TMEM178B: variants seen among roughly 807,000 people sequenced by gnomAD.
TMEM178B encodes the protein transmembrane protein 178B.
A neutral mutation model predicts 31.0 loss-of-function variants in TMEM178B; 5 were observed. The ratio of observed to expected loss-of-function variants is 0.16; its 90% CI spans 0.08 to 0.34. The LOEUF (loss-of-function observed/expected upper bound fraction) is 0.34, where lower values mean the gene tolerates loss of function less well. Ranked by LOEUF, TMEM178B falls within the 10% of genes least tolerant of loss-of-function variation. TMEM178B has a pLI of 1.00. For synonymous variants in TMEM178B, 164 were observed against 164.0 expected (o/e 1.00, Z 0.00); for missense variants, 275 against 400.3 (o/e 0.69, Z 2.67).
At chr7:141,436,647 C>T (rs909171042) in intron 2 of TMEM178B, among the ~76,000 whole-genome samples, 2 of 150,750 alleles carry the variant, frequency 1.3e-5, no homozygotes, top group African/African-American at 2.4e-5. Context: ...GGCTGGGGTG[C>T]GGTGGGCACG....
intron 1 of TMEM178B, among the ~76,000 whole-genome samples, chr7:141,119,738 C>A (rs1394780145): frequency 6.6e-6 from 1 of 152,064 alleles, no homozygotes; most frequent in Non-Finnish European, 1.5e-5. Flanking sequence ...GGGGTTATGT[C>A]GGTTGAGAGA....
intron 2 of TMEM178B, among the ~76,000 whole-genome samples, chr7:141,400,214 A>AT (rs1800734903): frequency 2.6e-5 from 4 of 152,244 alleles, no homozygotes; most frequent in African/African-American, 4.8e-5. Context: ...CTCTGCTCAT[A>AT]TTTTTTATCT....
At chr7:141,199,633 C>T (rs1383682164) in intron 1 of TMEM178B, among the ~76,000 whole-genome samples, 1 of 152,154 alleles carries the variant, frequency 6.6e-6, no homozygotes. Flanking sequence ...ATCACTTAGG[C>T]TGGAGTGCCA....
chr7:141,480,930 C>A (rs1403348616), downstream of TMEM178B, among the ~76,000 whole-genome samples: 1 of 152,200 alleles, frequency 6.6e-6, no homozygotes, highest in Admixed American at 6.5e-5. Flanking sequence ...TCTCAGCCAG[C>A]ATTTACAGTG....
intron 1 of TMEM178B, among the ~76,000 whole-genome samples, chr7:141,206,632 C>T (rs933298510): frequency 5.3e-5 from 8 of 152,170 alleles, no homozygotes; most frequent in Non-Finnish European, 1.2e-4. Flanking sequence ...CCGCCCTTGC[C>T]AGGTCCTGGT....
intron 1 of TMEM178B, among the ~76,000 whole-genome samples, chr7:141,081,097 C>T (rs1157434166): frequency 6.6e-6 from 1 of 152,138 alleles, no homozygotes; most frequent in Non-Finnish European, 1.5e-5. Flanking sequence ...CCAGGTGGGT[C>T]CTTCAGGAGG....
chr7:141,219,218 A>G (rs892843319), intron 2 of TMEM178B, among the ~76,000 whole-genome samples: 1 of 152,162 alleles, frequency 6.6e-6, no homozygotes, highest in African/African-American at 2.4e-5. Context: ...CTCAGACCTC[A>G]GAGGAATCCG....
At chr7:141,228,700 A>G (rs1316804268) in intron 2 of TMEM178B, among the ~76,000 whole-genome samples, 2 of 152,150 alleles carry the variant, frequency 1.3e-5, no homozygotes, top group Admixed American at 1.3e-4. Context: ...GGGGTGACCA[A>G]TGGGTGAATG....
At chr7:141,435,107 A>G (rs1248582759) in intron 2 of TMEM178B, among the ~76,000 whole-genome samples, 19 of 152,130 alleles carry the variant, frequency 1.2e-4, no homozygotes, top group Admixed American at 1.2e-3. Flanking sequence ...ATTTTCAACA[A>G]AGGCAGCAAC....
intron 2 of TMEM178B, among the ~76,000 whole-genome samples, chr7:141,354,367 T>TTA (rs1315735063): frequency 6.6e-6 from 1 of 152,244 alleles, no homozygotes; most frequent in Non-Finnish European, 1.5e-5. Flanking sequence ...ATGTTTCTAG[T>TTA]GCTGAGGCAG....
intron 2 of TMEM178B, among the ~76,000 whole-genome samples, chr7:141,432,572 TA>T (rs1801456078): frequency 6.6e-6 from 1 of 152,250 alleles, no homozygotes; most frequent in Non-Finnish European, 1.5e-5. Flanking sequence ...ATAAGTTTCA[TA>T]GATTTTGGTC....
intron 2 of TMEM178B, among the ~76,000 whole-genome samples, chr7:141,356,823 A>G (rs1799827928): frequency 6.6e-6 from 1 of 151,878 alleles, no homozygotes; most frequent in African/African-American, 2.4e-5. Flanking sequence ...ACCTCATACC[A>G]TCCCTCCTTC....
chr7:141,144,102 C>T (rs1203447353), intron 1 of TMEM178B, among the ~76,000 whole-genome samples: 1 of 152,156 alleles, frequency 6.6e-6, no homozygotes, highest in Admixed American at 6.5e-5. Flanking sequence ...ACTTGTTTAG[C>T]AGTTCCAGGA....
chr7:141,118,582 G>C (rs547481741), intron 1 of TMEM178B, among the ~76,000 whole-genome samples: 5 of 152,186 alleles, frequency 3.3e-5, no homozygotes, highest in African/African-American at 9.7e-5. Context: ...GTGACCCCAG[G>C]GGGGAAGCTC....
intron 2 of TMEM178B, among the ~76,000 whole-genome samples, chr7:141,347,663 C>T (rs890600393): frequency 2.0e-5 from 3 of 152,104 alleles, no homozygotes; most frequent in Non-Finnish European, 4.4e-5. Context: ...CTAGTCTGTC[C>T]ACACAAGCAC....
chr7:141,087,019 C>A (rs1170106646), intron 1 of TMEM178B, among the ~76,000 whole-genome samples: 1 of 152,044 alleles, frequency 6.6e-6, no homozygotes, highest in Admixed American at 6.5e-5. Flanking sequence ...CAAAAAAAAA[C>A]AGAAGATCTG....
At chr7:141,436,463 C>A (rs183350953) in intron 2 of TMEM178B, among the ~76,000 whole-genome samples, 65 of 152,210 alleles carry the variant, frequency 4.3e-4, no homozygotes, top group Admixed American at 9.8e-4. Flanking sequence ...TGTGTGGAGC[C>A]CCACTGGCAG....
intron 2 of TMEM178B, among the ~76,000 whole-genome samples, chr7:141,286,450 C>T (rs1468944804): frequency 1.3e-5 from 2 of 152,162 alleles, no homozygotes; most frequent in African/African-American, 4.8e-5. Context: ...CATGTGAAAC[C>T]TCTTTCTTTA....
At chr7:141,154,273 T>C (rs1038267650) in intron 1 of TMEM178B, among the ~76,000 whole-genome samples, 1 of 152,248 alleles carries the variant, frequency 6.6e-6, no homozygotes, top group Non-Finnish European at 1.5e-5. Context: ...AAACATGTAT[T>C]ACCAAGAGAT....
Sources: allele counts gnomAD v4.1 joint callset (sites outside exome capture counted in the v4.1 genomes callset), GRCh38; gene constraint gnomAD v4.1.1; transcripts MANE v1.5; gene names NCBI Gene and HGNC (gene_info 2026-07-23, HGNC 2026-07-21).